Variants in DENND11 observed in about 807,000 individuals in gnomAD.
DENND11 encodes the protein DENN domain-containing protein 11.
In DENND11, 34 loss-of-function variants were observed where a neutral mutation model predicts 49.2. The observed-to-expected ratio is 0.69, with a 90% CI of 0.53 to 0.92. The LOEUF is 0.92. Among genes scored for constraint, DENND11 ranks in the 40% least tolerant of loss-of-function variants. The pLI, the probability that DENND11 is intolerant of heterozygous loss-of-function variation, is 0.00. For missense variants in DENND11, 475 were observed against 581.6 expected, an observed-to-expected ratio of 0.82 and a Z score of 1.88; for synonymous variants, 238 against 230.3, an observed-to-expected ratio of 1.03 and a Z score of -0.30.
Position 141,697,679 on chromosome 7 carries a change from C to T in DENND11, c.268+4207G>A, listed in dbSNP as rs562992929. 1.2e-3 allele frequency among the ~76,000 whole-genome samples: 187 copies of T among 152,208 alleles called. 1 individual carries two copies. Among genetic ancestry groups the T allele is most frequent in the African/African-American group, 3.9e-3 (164 of 41,522 alleles). On this transcript the variant is annotated intron_variant, in intron 1 of 8. Transcript: ENST00000536163. ...GCCACGAGTCAGATGACCTGGGCAG[C>T]GCTCCAAGTGGTGCCTCAGACACCA...
chr7:141,675,688 T>C (rs1455215079), intron 3 of DENND11, among the ~76,000 whole-genome samples: 1 of 152,096 alleles, frequency 6.6e-6, no homozygotes, highest in East Asian at 1.9e-4. Flanking sequence ...ATCAACCAAC[T>C]ATAGCCTTCT....
At chr7:141,695,087 C>CT (rs869212878) in intron 1 of DENND11, among the ~76,000 whole-genome samples, 396 of 151,972 alleles carry the variant, frequency 2.6e-3, no homozygotes, top group African/African-American at 9.0e-3. Flanking sequence ...AGGTTCCTAT[C>CT]TTTTTTTTAA....
intron 3 of DENND11, among the ~76,000 whole-genome samples, chr7:141,680,295 AC>A (rs1563000656): frequency 8.4e-6 from 1 of 119,008 alleles, no homozygotes; most frequent in Non-Finnish European, 1.8e-5. Flanking sequence ...GCAAAACAAC[AC>A]AAATAACATG....
chr7:141,681,044 A>T (rs1798140267), intron 3 of DENND11, among the ~76,000 whole-genome samples: 1 of 152,072 alleles, frequency 6.6e-6, no homozygotes, highest in Non-Finnish European at 1.5e-5. Flanking sequence ...CTGGAAGGGG[A>T]GGGTGGTGAG....
chr7:141,688,120 G>A (rs773921270), intron 1 of DENND11, among the ~76,000 whole-genome samples: 6 of 152,124 alleles, frequency 3.9e-5, no homozygotes, highest in Admixed American at 6.5e-5. Context: ...CTCGGGCTGC[G>A]GGAATCAGGG....
intron 3 of DENND11, among the ~76,000 whole-genome samples, chr7:141,677,489 G>T (rs1371283712): frequency 7.7e-6 from 1 of 129,484 alleles, no homozygotes; most frequent in Non-Finnish European, 1.6e-5. Context: ...ATATTTATAT[G>T]TGTGTGTGTG....
At chr7:141,696,598 C>A (rs542921674) in intron 1 of DENND11, among the ~76,000 whole-genome samples, 1 of 152,184 alleles carries the variant, frequency 6.6e-6, no homozygotes, top group Non-Finnish European at 1.5e-5. Context: ...CACCCCAGCA[C>A]GTGCCTGAGG....
chr7:141,661,976 A>T lies in DENND11; in HGVS notation c.*680T>A, dbSNP rs1797802784. 6.6e-6 allele frequency: 1 copy of T among 152,226 alleles called. No individual in the cohort carries two copies. Among genetic ancestry groups the T allele is most frequent in the Non-Finnish European group, 1.5e-5 (1 of 68,042 alleles). 9.4% of individuals were successfully genotyped at this position (152,226 alleles called of 1,614,324 possible). On this transcript the variant is annotated 3_prime_UTR_variant, in exon 9 of 9. Transcript: ENST00000536163. ...AAGAGGAACATTACATTGCATGGCC[A>T]CCATCAAGTTACTTTGAGGAAGGTT...
chr7:141,664,398 C>T (rs1185174179), intron 7 of DENND11, among the ~76,000 whole-genome samples, 158 bp from the exon 8 acceptor site: 1 of 152,176 alleles, frequency 6.6e-6, no homozygotes, highest in Non-Finnish European at 1.5e-5. Flanking sequence ...CCCTGGGGTC[C>T]AGGGCCAGTT....
At chr7:141,695,207 A>G (rs1392280906) in intron 1 of DENND11, among the ~76,000 whole-genome samples, 3 of 151,984 alleles carry the variant, frequency 2.0e-5, no homozygotes, top group Non-Finnish European at 2.9e-5. Context: ...GTTATAGGGG[A>G]TATGACTATG....
rs886242482 is a variant in DENND11, at chr7:141,660,194, G to T, written c.*2462C>A. 3.9e-5 allele frequency: 6 copies of T among 152,286 alleles called. No homozygotes were observed. The highest frequency in any genetic ancestry group is 1.4e-4 in the African/African-American group (6 of 41,448). The allele number at this position is 152,286 out of a possible 1,614,324, so 9.4% of individuals were successfully genotyped here. The stretch of plus-strand genomic sequence containing the variant: ...CGCTGTTCAGCCAAGCAGAGGCTCT[G>T]CACAAGATTTCTGGTCCTATGAAGA... On this transcript the variant is annotated 3_prime_UTR_variant, in exon 9 of 9. Coordinates refer to ENST00000536163, the MANE Select transcript of DENND11 (RefSeq NM_001080392.2).
intron 1 of DENND11, among the ~76,000 whole-genome samples, chr7:141,699,278 T>C (rs1241376943): frequency 2.0e-5 from 3 of 152,098 alleles, no homozygotes; most frequent in Non-Finnish European, 1.5e-5. Flanking sequence ...ACTGTGCCAC[T>C]ATGGGCCTCA....
intron 4 of DENND11, among the ~76,000 whole-genome samples, chr7:141,667,169 C>T (rs2117053924): frequency 6.6e-6 from 1 of 152,322 alleles, no homozygotes; most frequent in Non-Finnish European, 1.5e-5. Context: ...GATTCGCCCA[C>T]CTTGGCCTCC....
chr7:141,686,554 CTTACA>C lies in DENND11; in HGVS notation c.368_368+4del. The stretch of plus-strand genomic sequence containing the variant: ...CGAAGATGACTCCAGTTCAGAAGTA[CTTACA>C]TGAAATCAGATTGGATTTTATGGGA... On this transcript the variant is annotated splice_donor_variant and splice_donor_region_variant and coding_sequence_variant and intron_variant, in exon 2 of 9. Coordinates refer to ENST00000536163, the MANE Select transcript of DENND11 (RefSeq NM_001080392.2). LOFTEE classifies it high-confidence loss of function. 6.3e-7 allele frequency: 1 copy of C among 1,586,346 alleles called. No individual in the cohort carries two copies. The highest frequency in any genetic ancestry group is 8.6e-7 in the Non-Finnish European group (1 of 1,156,270).
intron 3 of DENND11, among the ~76,000 whole-genome samples, chr7:141,676,325 T>C (rs1279866034): frequency 6.6e-6 from 1 of 152,210 alleles, no homozygotes. Context: ...TACTACATTT[T>C]CTGTGTTAAA....
rs1797776107 is a variant in DENND11 at position 141,660,662 on chromosome 7, C to G, written c.*1994G>C. The G allele has an allele frequency of 6.6e-6, 1 of 152,294 alleles. No homozygotes were observed. Among genetic ancestry groups the G allele is most frequent in the South Asian group, 2.1e-4 (1 of 4,824 alleles). The allele number at this position is 152,294 out of a possible 1,614,324, so 9.4% of individuals were successfully genotyped here. On this transcript the variant is annotated 3_prime_UTR_variant, in exon 9 of 9. Coordinates refer to ENST00000536163, the MANE Select transcript of DENND11 (RefSeq NM_001080392.2). ...TGTCCTCTAGGAGAATCAGACCTTT[C>G]CTTTCACTTCTACTCCTGCCTCTAA...
intron 1 of DENND11, among the ~76,000 whole-genome samples, chr7:141,694,645 CTATT>C (rs1331087972): frequency 1.3e-5 from 2 of 152,180 alleles, no homozygotes; most frequent in African/African-American, 4.8e-5. Flanking sequence ...AAAGAAAAGT[CTATT>C]TATATCTCCA....
chr7:141,694,633 AAAAAG>A (rs1384062511), intron 1 of DENND11, among the ~76,000 whole-genome samples: 14 of 152,230 alleles, frequency 9.2e-5, no homozygotes, highest in African/African-American at 2.7e-4. Context: ...GTTCAGCAAA[AAAAAG>A]AAAAGTCTAT....
intron 3 of DENND11, among the ~76,000 whole-genome samples, chr7:141,675,359 C>T (rs1798047840): frequency 6.6e-6 from 1 of 152,162 alleles, no homozygotes; most frequent in African/African-American, 2.4e-5. Context: ...AACAGTGAGA[C>T]AGTATGTTTC....
Sources: allele counts gnomAD v4.1 joint callset (sites outside exome capture counted in the v4.1 genomes callset), GRCh38; gene constraint gnomAD v4.1.1; transcripts MANE v1.5; gene names NCBI Gene and HGNC (gene_info 2026-07-23, HGNC 2026-07-21).